The following ANK3 variants were observed in gnomAD, a reference collection of about 807,000 sequenced individuals.
The protein encoded by ANK3 is ankyrin-3.
ANK3 carries 57 observed loss-of-function variants against 370.9 expected under a neutral mutation model. The observed-to-expected ratio is 0.15, with a 90% CI of 0.12 to 0.19. The LOEUF (loss-of-function observed/expected upper bound fraction) is 0.19. ANK3 is among the 10% of genes least tolerant of loss of function. ANK3 has a pLI of 1.00. For synonymous variants in ANK3, 1,929 were observed against 1,946.3 expected, an observed-to-expected ratio of 0.99 and a Z score of 0.23; for missense variants, 4,439 against 5,302.1, an observed-to-expected ratio of 0.84 and a Z score of 5.06.
chr10:60,693,300 C>A (rs2079385887), intron 1 of ANK3, among the ~76,000 whole-genome samples: 1 of 152,232 alleles, frequency 6.6e-6, no homozygotes, highest in Non-Finnish European at 1.5e-5. Flanking sequence ...GATCAAACTG[C>A]AAGGCAGCAG....
At chr10:60,460,141 G>A (rs2064846599) in intron 2 of ANK3, among the ~76,000 whole-genome samples, 1 of 152,114 alleles carries the variant, frequency 6.6e-6, no homozygotes, top group Non-Finnish European at 1.5e-5. Flanking sequence ...GAGCTTAGCT[G>A]TACGATCCCT....
chr10:60,524,095 T>C (rs1392856783), intron 2 of ANK3, among the ~76,000 whole-genome samples: 3 of 152,114 alleles, frequency 2.0e-5, no homozygotes, highest in South Asian at 2.1e-4. Context: ...CACTACCATC[T>C]AAGTTATCTC....
intron 23 of ANK3, among the ~76,000 whole-genome samples, chr10:60,153,164 G>A (rs7073218): frequency 0.97 from 147,023 of 152,308 alleles, 71,085 homozygotes; most frequent in East Asian, 1. Flanking sequence ...ATTATATGCA[G>A]CAGTATGAAT....
intron 7 of ANK3, among the ~76,000 whole-genome samples, chr10:60,238,641 C>T (rs1288451826): frequency 1.3e-5 from 2 of 152,064 alleles, no homozygotes; most frequent in Admixed American, 1.3e-4. Flanking sequence ...GCAGAGAAAG[C>T]TCAGGGTGGA....
intron 1 of ANK3, among the ~76,000 whole-genome samples, chr10:60,727,698 A>T (rs1357112780): frequency 1.3e-5 from 2 of 152,122 alleles, no homozygotes; most frequent in Non-Finnish European, 2.9e-5. Context: ...ACATCAAATA[A>T]GCCAGTTACA....
chr10:60,386,841 C>T (rs990174172), intron 1 of ANK3, among the ~76,000 whole-genome samples: 48 of 152,104 alleles, frequency 3.2e-4, no homozygotes, highest in Non-Finnish European at 5.3e-4. Flanking sequence ...AGCTTTTGAG[C>T]GTATCCACTA....
intron 2 of ANK3, among the ~76,000 whole-genome samples, chr10:60,434,292 G>A (rs1239472444): frequency 1.3e-5 from 2 of 151,982 alleles, no homozygotes; most frequent in East Asian, 3.9e-4. Context: ...TCATATTAAT[G>A]GCCCTATAGC....
chr10:60,526,031 G>A (rs1423073500), intron 2 of ANK3, among the ~76,000 whole-genome samples: 1 of 152,098 alleles, frequency 6.6e-6, no homozygotes, highest in Non-Finnish European at 1.5e-5. Context: ...TGTAATGTGA[G>A]CTAGCCCAGG....
intron 28 of ANK3, among the ~76,000 whole-genome samples, chr10:60,095,655 T>C (rs1389952931): frequency 6.6e-6 from 1 of 152,208 alleles, no homozygotes; most frequent in Admixed American, 6.5e-5. Flanking sequence ...GTATTTGGAT[T>C]ACAGGCGTGA....
intron 1 of ANK3, among the ~76,000 whole-genome samples, chr10:60,707,957 T>G (rs951423366): frequency 6.6e-6 from 1 of 152,168 alleles, no homozygotes; most frequent in Non-Finnish European, 1.5e-5. Flanking sequence ...ATCCTGCTAG[T>G]GCGCTTCCCG....
intron 1 of ANK3, among the ~76,000 whole-genome samples, chr10:60,667,996 A>G (rs1255868729): frequency 1.2e-5 from 1 of 81,232 alleles, no homozygotes; most frequent in African/African-American, 4.0e-5. Flanking sequence ...AGTCTAGATT[A>G]GGGTTTTAAA....
chr10:60,709,216 A>T (rs1235293275), intron 1 of ANK3, among the ~76,000 whole-genome samples: 5 of 152,204 alleles, frequency 3.3e-5, no homozygotes, highest in Non-Finnish European at 1.5e-5. Context: ...TTTAAGCAAG[A>T]GTGATGAATA....
At chr10:60,259,871 T>C (rs533668285) in intron 7 of ANK3, among the ~76,000 whole-genome samples, 2 of 152,302 alleles carry the variant, frequency 1.3e-5, no homozygotes, top group East Asian at 3.9e-4. Flanking sequence ...AACACTGACA[T>C]ACCCTGTTTA....
At chr10:60,149,458 G>C (rs534709314) in intron 23 of ANK3, among the ~76,000 whole-genome samples, 3 of 152,278 alleles carry the variant, frequency 2.0e-5, no homozygotes, top group Non-Finnish European at 4.4e-5. Context: ...ATTACAATTT[G>C]TTTGGGGCAA....
chr10:60,682,947 G>T (rs930164135), intron 1 of ANK3, among the ~76,000 whole-genome samples: 1 of 152,184 alleles, frequency 6.6e-6, no homozygotes, highest in Admixed American at 6.5e-5. Flanking sequence ...CAGTTGCTCA[G>T]AAGTTCCAGA....
chr10:60,338,752 G>C (rs1244380843), intron 1 of ANK3, among the ~76,000 whole-genome samples: 1 of 152,126 alleles, frequency 6.6e-6, no homozygotes, highest in Non-Finnish European at 1.5e-5. Context: ...CCTAATTCAG[G>C]CTTGCCCTTT....
intron 2 of ANK3, among the ~76,000 whole-genome samples, chr10:60,407,424 A>G (rs1161495812): frequency 2.0e-5 from 3 of 152,192 alleles, no homozygotes; most frequent in East Asian, 1.9e-4. Context: ...CTTAATTAAT[A>G]TATCATTGGA....
At chr10:60,345,310 G>C (rs576408640) in intron 1 of ANK3, among the ~76,000 whole-genome samples, 1 of 152,222 alleles carries the variant, frequency 6.6e-6, no homozygotes, top group Admixed American at 6.5e-5. Context: ...ATGTGTGTAT[G>C]TGTGTTTTAA....
intron 2 of ANK3, among the ~76,000 whole-genome samples, chr10:60,396,450 C>A (rs1046267883): frequency 1.3e-5 from 2 of 152,144 alleles, no homozygotes; most frequent in Admixed American, 6.5e-5. Context: ...TTCAAATATA[C>A]TTATTACTGA....
Sources: gnomAD v4.1 joint callset for allele counts (sites outside exome capture counted in the v4.1 genomes callset) on GRCh38, gnomAD v4.1.1 for gene constraint, MANE v1.5 for transcripts, NCBI Gene and HGNC (gene_info 2026-07-23, HGNC 2026-07-21) for gene names.